Variants in ADAMTSL3 observed in about 807,000 individuals in gnomAD.
ADAMTSL3 encodes ADAMTS like 3.
In ADAMTSL3, 128 loss-of-function variants were observed where a neutral mutation model predicts 201.7. The observed-to-expected ratio is 0.63, with a 90% confidence interval of 0.55 to 0.73. The LOEUF is 0.73. Ranked by LOEUF, ADAMTSL3 falls within the 30% of genes least tolerant of loss-of-function variation. The pLI, the probability that ADAMTSL3 is intolerant of heterozygous loss-of-function variation, is 0.00. For missense variants in ADAMTSL3, 1,990 were observed against 2,119.6 expected, an observed-to-expected ratio of 0.94 and a Z score of 1.20; for synonymous variants, 738 against 748.4, an observed-to-expected ratio of 0.99 and a Z score of 0.23.
At chr15:83,969,928 AAAAC>A (rs1467335312) in intron 19 of ADAMTSL3, among the ~76,000 whole-genome samples, 1 of 152,236 alleles carries the variant, frequency 6.6e-6, no homozygotes, top group Non-Finnish European at 1.5e-5. Flanking sequence ...CAGGCAACAA[AAAAC>A]AAAAGGGAAC....
intron 3 of ADAMTSL3, among the ~76,000 whole-genome samples, chr15:83,731,862 A>T (rs547604830): frequency 2.4e-4 from 36 of 152,160 alleles, no homozygotes; most frequent in Middle Eastern, 3.4e-3. Flanking sequence ...GCATGATCTC[A>T]CTTATACGTG....
chr15:83,819,723 T>G (rs1377727730), intron 5 of ADAMTSL3, 88 bp from the exon 6 acceptor site: 4 of 1,025,264 alleles, frequency 3.9e-6, no homozygotes, highest in Non-Finnish European at 1.5e-6. Context: ...TGAGGTGTGG[T>G]CTCATGAGAT....
intron 2 of ADAMTSL3, 144 bp from the exon 3 acceptor site, chr15:83,704,245 T>G: frequency 8.0e-7 from 1 of 1,257,510 alleles, no homozygotes; most frequent in Middle Eastern, 2.1e-4. Context: ...CTCACCCTGG[T>G]CTTTGCCAAG....
chr15:83,898,101 A>G, intron 14 of ADAMTSL3, 96 bp downstream of exon 14: 1 of 1,409,228 alleles, frequency 7.1e-7, no homozygotes, highest in Non-Finnish European at 9.6e-7. Context: ...CTACTTTCTT[A>G]TAAAAATTGT....
At position 83,819,941 on chromosome 15, in the gene ADAMTSL3, G is replaced by A. The variant is rs2063834532; in HGVS notation, c.494G>A (p.Cys165Tyr). ...NDPAAPCALK[C>Y]HAQGQNLVVE... ...CCTGCTGCCCCGTGTGCACTCAAGT[G>A]TCATGCACAAGGACAAAACTTGGTG... Residue 165 changes from cysteine to tyrosine, a missense_variant, in exon 6 of 30, where the codon TGT (cysteine) becomes TAT (tyrosine). Transcript: ENST00000286744. 6.2e-7 allele frequency: 1 copy of A among 1,614,144 alleles called. No homozygotes were observed. Among genetic ancestry groups the A allele is most frequent in the Non-Finnish European group, 8.5e-7 (1 of 1,180,024 alleles).
chr15:83,663,367 A>T (rs2061202968), intron 2 of ADAMTSL3, among the ~76,000 whole-genome samples: 1 of 152,130 alleles, frequency 6.6e-6, no homozygotes, highest in African/African-American at 2.4e-5. Context: ...CATTGTAGTT[A>T]TGGTTATACC....
intron 3 of ADAMTSL3, among the ~76,000 whole-genome samples, chr15:83,724,651 C>G (rs1194700881): frequency 6.6e-6 from 1 of 151,948 alleles, no homozygotes; most frequent in African/African-American, 2.4e-5. Context: ...TTCATTTTAT[C>G]TAACTATATT....
At chr15:83,959,841 T>C (rs1567265157) in intron 19 of ADAMTSL3, among the ~76,000 whole-genome samples, 1 of 152,158 alleles carries the variant, frequency 6.6e-6, no homozygotes, top group Non-Finnish European at 1.5e-5. Flanking sequence ...TTACTTTAAC[T>C]TAGCAGACAC....
At chr15:83,842,057 C>G (rs1255771498) in intron 7 of ADAMTSL3, among the ~76,000 whole-genome samples, 1 of 151,322 alleles carries the variant, frequency 6.6e-6, no homozygotes, top group Non-Finnish European at 1.5e-5. Flanking sequence ...TCCCCATCCC[C>G]CTTCTGCCTT....
At chr15:83,890,025 A>G in intron 10 of ADAMTSL3, 84 bp from the exon 11 acceptor site, 1 of 1,477,704 alleles carries the variant, frequency 6.8e-7, no homozygotes, top group Non-Finnish European at 9.1e-7. Context: ...AAGAGGAAAA[A>G]AAAAAGTGTG....
intron 3 of ADAMTSL3, among the ~76,000 whole-genome samples, chr15:83,750,794 C>A (rs2062626359): frequency 6.6e-6 from 1 of 152,156 alleles, no homozygotes; most frequent in Admixed American, 6.5e-5. Flanking sequence ...TCGTGATCTG[C>A]CTGCTTCAGC....
At chr15:83,796,155 A>C (rs1006299845) in intron 4 of ADAMTSL3, among the ~76,000 whole-genome samples, 4 of 152,210 alleles carry the variant, frequency 2.6e-5, no homozygotes, top group Non-Finnish European at 5.9e-5. Flanking sequence ...AAGAATGCCC[A>C]CTGTCATTGC....
chr15:83,889,963 A>G (rs2065471466), intron 10 of ADAMTSL3, 146 bp from the exon 11 acceptor site: 2 of 756,758 alleles, frequency 2.6e-6, no homozygotes, highest in African/African-American at 3.6e-5. Context: ...AAAAGCTCCC[A>G]TGTGGTTCTG....
intron 23 of ADAMTSL3, among the ~76,000 whole-genome samples, chr15:83,999,856 T>C (rs1159606029): frequency 6.6e-6 from 1 of 152,224 alleles, no homozygotes; most frequent in Non-Finnish European, 1.5e-5. Flanking sequence ...ATTAACTTTC[T>C]TTACTGGGTT....
At chr15:83,781,374 T>C (rs1036873210) in intron 4 of ADAMTSL3, among the ~76,000 whole-genome samples, 1 of 152,232 alleles carries the variant, frequency 6.6e-6, no homozygotes, top group African/African-American at 2.4e-5. Flanking sequence ...GGATTTCCTA[T>C]TCAATAATTG....
At chr15:84,014,831 G>A (rs1299614366) in intron 24 of ADAMTSL3, 107 bp downstream of exon 24, 52 of 1,150,786 alleles carry the variant, frequency 4.5e-5, no homozygotes, top group Non-Finnish European at 6.4e-5. Flanking sequence ...GACATCAGAT[G>A]GTTTTAACCA....
At chr15:83,791,341 A>T (rs1477522051) in intron 4 of ADAMTSL3, among the ~76,000 whole-genome samples, 6 of 152,208 alleles carry the variant, frequency 3.9e-5, no homozygotes, top group Admixed American at 3.9e-4. Context: ...AATGTGCTAC[A>T]AAGCTGTAGT....
At position 83,860,743 on chromosome 15, in the gene ADAMTSL3, C is replaced by T. The variant is rs188926580; in HGVS notation, c.802+1903C>T. ...AGTCTACAGCTCCCAGCATGAGTGA[C>T]GTAGAAGACGGGTGATTTCTGCATT... On this transcript the variant is annotated intron_variant, in intron 8 of 29. Transcript: ENST00000286744. Among the ~76,000 whole-genome samples, 463 of 152,286 alleles carry T rather than the reference C, an allele frequency of 3.0e-3. 2 individuals carry two copies. The highest frequency in any genetic ancestry group is 0.01 in the African/African-American group (425 of 41,558).
In ADAMTSL3 at chr15:84,036,960, C is replaced by T. The variant is rs774833128; in HGVS notation, c.4942C>T (p.Arg1648Trp). The stretch of plus-strand genomic sequence containing the variant: ...ACAGAAAAAGAAACCAATTTCCTGG[C>T]GGCACTGTCTTGGGCCCTCCTGTGA... ...CVQKKKPISW[R>W]HCLGPSCDRD... The change falls in exon 29 of 30, where the codon CGG becomes TGG. Residue 1648 changes from arginine to tryptophan, a missense_variant. Transcript: ENST00000286744. 25 of 1,613,922 alleles carry T rather than the reference C, an allele frequency of 1.5e-5. No individual in the cohort carries two copies. Among genetic ancestry groups the T allele is most frequent in the Admixed American group, 1.5e-4 (9 of 59,968 alleles).
Sources: allele counts gnomAD v4.1 joint callset (sites outside exome capture counted in the v4.1 genomes callset), GRCh38; gene constraint gnomAD v4.1.1; transcripts MANE v1.5; gene names NCBI Gene and HGNC (gene_info 2026-07-23, HGNC 2026-07-21).